TMEM170B: variants seen among roughly 807,000 people sequenced by gnomAD.
TMEM170B encodes transmembrane protein 170B.
TMEM170B carries 6 observed loss-of-function variants against 13.0 expected under a neutral mutation model. That is an observed-to-expected ratio of 0.46 (90% CI 0.25 to 0.91). The LOEUF is 0.91. Ranked by LOEUF, TMEM170B falls within the 40% of genes least tolerant of loss-of-function variation. The probability of loss-of-function intolerance (pLI) is 0.17; values close to 1 mark genes in which losing one functional copy is unlikely to be tolerated. For synonymous variants in TMEM170B, 61 were observed against 64.9 expected (o/e 0.94, Z 0.29); for missense variants, 138 against 165.2 (o/e 0.84, Z 0.90).
intron 1 of TMEM170B, among the ~76,000 whole-genome samples, chr6:11,552,323 G>A (rs751425599): frequency 6.6e-6 from 1 of 151,988 alleles, no homozygotes; most frequent in Non-Finnish European, 1.5e-5. Flanking sequence ...AAAGTGACTT[G>A]TCTTTTAACA....
intron 1 of TMEM170B, among the ~76,000 whole-genome samples, chr6:11,562,831 C>G (rs1000051631): frequency 6.6e-6 from 1 of 152,114 alleles, no homozygotes; most frequent in Middle Eastern, 3.2e-3. Flanking sequence ...CATGTATATC[C>G]ACCACTATAG....
In TMEM170B at chr6:11,575,164, T is replaced by C. The variant is rs976765261; in HGVS notation, c.269-267T>C. Among the ~76,000 whole-genome samples the C allele has an allele frequency of 2.6e-5, 4 of 152,158 alleles. No homozygotes were observed. The highest frequency in any genetic ancestry group is 9.7e-5 in the African/African-American group (4 of 41,444). On this transcript the variant is annotated intron_variant, in intron 2 of 2. Transcript: ENST00000379426. The surrounding 1 kb of genome is among the most constrained non-coding windows in gnomAD (Gnocchi z 4.1). ...GAATTATTCATTGTTTATGAACATA[T>C]TTGCTATCAAGTATGCAGCATATAC...
At chr6:11,564,324 G>A (rs1759707988) in intron 1 of TMEM170B, among the ~76,000 whole-genome samples, 1 of 152,208 alleles carries the variant, frequency 6.6e-6, no homozygotes, top group South Asian at 2.1e-4. Context: ...ATTTTCCACA[G>A]CAGCTGCATC....
At chr6:11,554,826 G>A (rs1561909324) in intron 1 of TMEM170B, among the ~76,000 whole-genome samples, 1 of 152,100 alleles carries the variant, frequency 6.6e-6, no homozygotes, top group Non-Finnish European at 1.5e-5. Context: ...GCAAAAGTAG[G>A]AAACTATTAA....
rs1174707288 is a variant in TMEM170B at position 11,579,565 on chromosome 6, GT to G, written c.*4008del. The G allele has an allele frequency of 6.6e-6, 1 of 152,050 alleles. No homozygotes were observed. The highest frequency in any genetic ancestry group is 1.5e-5 in the Non-Finnish European group (1 of 67,980). The allele number at this position is 152,050 out of a possible 1,614,324, so 9.4% of individuals were successfully genotyped here. On this transcript the variant is annotated 3_prime_UTR_variant, in exon 3 of 3. Coordinates refer to ENST00000379426, the MANE Select transcript of TMEM170B (RefSeq NM_001100829.3). The stretch of plus-strand genomic sequence containing the variant: ...ATGCTTTAGGAAAGAAACTAAAAAC[GT>G]TTTCTTATAATCTTGCTTCATCTCC...
chr6:11,553,264 G>A lies in TMEM170B; in HGVS notation c.98-12402G>A, dbSNP rs148810582. On this transcript the variant is annotated intron_variant, in intron 1 of 2. Transcript: ENST00000379426. ...TTGAAAAACAAAAATCCACATGTATGTTGGACCCATGCACTGCAAACCTGC... is the reference window on the plus strand; with the variant it reads ...TTGAAAAACAAAAATCCACATGTATATTGGACCCATGCACTGCAAACCTGC... 6.3e-3 allele frequency among the ~76,000 whole-genome samples: 959 copies of A among 152,282 alleles called. 12 individuals carry two copies. Among genetic ancestry groups the A allele is most frequent in the African/African-American group, 0.022 (901 of 41,558 alleles).
At chr6:11,564,694 C>T (rs528973598) in intron 1 of TMEM170B, among the ~76,000 whole-genome samples, 1 of 152,294 alleles carries the variant, frequency 6.6e-6, no homozygotes, top group Non-Finnish European at 1.5e-5. Flanking sequence ...CATTAAGGGA[C>T]TTGATTCTCT....
At chr6:11,571,261 C>G (rs1487235290) in intron 2 of TMEM170B, among the ~76,000 whole-genome samples, 3 of 151,528 alleles carry the variant, frequency 2.0e-5, no homozygotes, top group Non-Finnish European at 2.9e-5. Flanking sequence ...TCATACCTTA[C>G]TGTACCCTTG....
intron 2 of TMEM170B, among the ~76,000 whole-genome samples, chr6:11,570,523 A>G (rs1465335576): frequency 6.6e-6 from 1 of 152,192 alleles, no homozygotes; most frequent in Non-Finnish European, 1.5e-5. Context: ...AGCTATACCT[A>G]AATATAAAAT....
intron 2 of TMEM170B, among the ~76,000 whole-genome samples, chr6:11,568,253 T>C (rs926074027): frequency 6.6e-6 from 1 of 152,166 alleles, no homozygotes; most frequent in Admixed American, 6.5e-5. Context: ...AAGGAGTTAA[T>C]GTAAGAACCA....
chr6:11,558,460 A>C (rs909718931), intron 1 of TMEM170B, among the ~76,000 whole-genome samples: 2 of 152,190 alleles, frequency 1.3e-5, no homozygotes, highest in African/African-American at 4.8e-5. Context: ...GGAACATAAG[A>C]AACGTTTAAA....
In TMEM170B at chr6:11,580,478, G is replaced by A. The variant is rs1429674237; in HGVS notation, c.*4917G>A. ...ATCAGAATCTCTGCAGTCATTATTT[G>A]TTTTTAAGATGTGAGGGACGAGGAA... On this transcript the variant is annotated 3_prime_UTR_variant, in exon 3 of 3. Coordinates refer to ENST00000379426, the MANE Select transcript of TMEM170B (RefSeq NM_001100829.3). 1.3e-5 allele frequency: 2 copies of A among 152,136 alleles called. No individual in the cohort carries two copies. The highest frequency in any genetic ancestry group is 4.8e-5 in the African/African-American group (2 of 41,420). The allele number at this position is 152,136 out of a possible 1,614,324, so 9.4% of individuals were successfully genotyped here.
intron 1 of TMEM170B, among the ~76,000 whole-genome samples, chr6:11,538,958 C>A (rs976628507): frequency 6.6e-6 from 1 of 152,178 alleles, no homozygotes; most frequent in Non-Finnish European, 1.5e-5. Flanking sequence ...ATATCTCCTT[C>A]CCCTCCCATT....
rs1442789332 is a variant in TMEM170B at position 11,545,280 on chromosome 6, C to CTCTGTGTGTGTGTG, written c.97+6907_97+6908insCTGTGTGTGTGTGT. Among the ~76,000 whole-genome samples the CTCTGTGTGTGTGTG allele has an allele frequency of 4.8e-3, 677 of 139,790 alleles. 3 individuals carry two copies. The highest frequency in any genetic ancestry group is 8.6e-3 in the Non-Finnish European group (556 of 64,592). The allele number at this position is 139,790 out of a possible 152,430, so 91.7% of individuals were successfully genotyped here. A position where few individuals can be genotyped will look rare whatever the true frequency, so the allele number is the denominator to read the frequency against. On this transcript the variant is annotated intron_variant, in intron 1 of 2. Coordinates refer to ENST00000379426, the MANE Select transcript of TMEM170B (RefSeq NM_001100829.3). ...TTAAAAGGCTTCTCTCTCTCTCTCT[C>CTCTGTGTGTGTGTG]TGTGTGTGTGTGTGTGTGTGTGTGT... is the stretch of plus-strand genomic sequence containing the variant.
At chr6:11,553,184 G>A (rs56998408) in intron 1 of TMEM170B, among the ~76,000 whole-genome samples, 1 of 152,062 alleles carries the variant, frequency 6.6e-6, no homozygotes, top group East Asian at 1.9e-4. Context: ...GTGAAAAGTC[G>A]AACCTCCCTG....
At chr6:11,553,581 C>T (rs1759551524) in intron 1 of TMEM170B, among the ~76,000 whole-genome samples, 2 of 152,050 alleles carry the variant, frequency 1.3e-5, no homozygotes, top group Admixed American at 6.6e-5. Flanking sequence ...ATTTCCCAGG[C>T]CTGTTTCCTC....
At chr6:11,538,657 G>T (rs1561904971) in intron 1 of TMEM170B, among the ~76,000 whole-genome samples, 1 of 152,248 alleles carries the variant, frequency 6.6e-6, no homozygotes, top group Non-Finnish European at 1.5e-5. Context: ...TCTGTAGTAC[G>T]CGCGGAGTAG....
At chr6:11,561,045 C>T (rs1049015863) in intron 1 of TMEM170B, among the ~76,000 whole-genome samples, 1 of 152,144 alleles carries the variant, frequency 6.6e-6, no homozygotes, top group African/African-American at 2.4e-5. Flanking sequence ...CAAAAAGTAA[C>T]ACACTGCAAC....
chr6:11,549,988 C>A (rs1759502528), intron 1 of TMEM170B, among the ~76,000 whole-genome samples: 1 of 151,980 alleles, frequency 6.6e-6, no homozygotes, highest in Non-Finnish European at 1.5e-5. Flanking sequence ...CATATACTTA[C>A]ATGTACATCA....
Sources: allele counts gnomAD v4.1 joint callset (sites outside exome capture counted in the v4.1 genomes callset), GRCh38; gene constraint gnomAD v4.1.1; non-coding constraint Gnocchi (gnomAD v3.1); transcripts MANE v1.5; gene names NCBI Gene and HGNC (gene_info 2026-07-23, HGNC 2026-07-21).